FARS2: variants seen among roughly 807,000 people sequenced by gnomAD.
FARS2 encodes phenylalanyl-tRNA synthetase 2, mitochondrial.
Under a neutral mutation model 46.4 loss-of-function variants are expected in FARS2, and 40 were observed. That is an observed-to-expected ratio of 0.86 (90% CI 0.67 to 1.12). The LOEUF (loss-of-function observed/expected upper bound fraction) is 1.12, where lower values mean the gene tolerates loss of function less well. Among genes scored for constraint, FARS2 ranks in the 50% most tolerant of loss-of-function variants. The pLI, the probability that FARS2 is intolerant of heterozygous loss-of-function variation, is 0.00. For missense variants in FARS2, 513 were observed against 567.9 expected, an observed-to-expected ratio of 0.90 and a Z score of 0.98; for synonymous variants, 234 against 214.9, an observed-to-expected ratio of 1.09 and a Z score of -0.78.
At chr6:5,479,914 C>T (rs745439141) in intron 4 of FARS2, among the ~76,000 whole-genome samples, 3 of 152,090 alleles carry the variant, frequency 2.0e-5, no homozygotes, top group Non-Finnish European at 4.4e-5. Context: ...CTCTGCTCCT[C>T]AGGAGAAGGA....
chr6:5,690,719 T>C (rs1757639082), intron 6 of FARS2, among the ~76,000 whole-genome samples: 1 of 152,210 alleles, frequency 6.6e-6, no homozygotes, highest in Non-Finnish European at 1.5e-5. Context: ...ACATTCTCTG[T>C]ATTTCCTGAA....
chr6:5,323,756 G>C (rs1042080655), intron 1 of FARS2, among the ~76,000 whole-genome samples: 3 of 152,142 alleles, frequency 2.0e-5, no homozygotes, highest in Non-Finnish European at 1.5e-5. Context: ...TGACAGAGCA[G>C]GAGTATTACC....
chr6:5,547,396 G>C (rs896772918), intron 5 of FARS2, among the ~76,000 whole-genome samples: 1 of 141,956 alleles, frequency 7.0e-6, no homozygotes, highest in African/African-American at 2.7e-5. Context: ...TTTTTTAATT[G>C]TGTTTGAATG....
intron 1 of FARS2, among the ~76,000 whole-genome samples, chr6:5,353,084 GCTATCCA>G (rs1301931675): frequency 1.3e-5 from 2 of 152,098 alleles, no homozygotes; most frequent in Non-Finnish European, 2.9e-5. Flanking sequence ...TACAGCCTAT[GCTATCCA>G]CTATTCTACT....
intron 6 of FARS2, among the ~76,000 whole-genome samples, chr6:5,710,925 C>A (rs759810248): frequency 6.6e-5 from 10 of 152,208 alleles, no homozygotes; most frequent in African/African-American, 2.2e-4. Flanking sequence ...AAGGGTATTA[C>A]TTCAATGGTG....
chr6:5,277,882 C>T (rs1169703930), intron 1 of FARS2, among the ~76,000 whole-genome samples: 1 of 152,150 alleles, frequency 6.6e-6, no homozygotes, highest in East Asian at 1.9e-4. Flanking sequence ...TAAGGAATAT[C>T]ACTGTACCCA....
intron 1 of FARS2, among the ~76,000 whole-genome samples, chr6:5,293,555 A>G (rs1767646255): frequency 1.3e-5 from 2 of 152,356 alleles, no homozygotes; most frequent in African/African-American, 2.4e-5. Context: ...CTTCACTACA[A>G]GAAATTTGGA....
chr6:5,718,915 A>G (rs1372309861), intron 6 of FARS2, among the ~76,000 whole-genome samples: 2 of 152,206 alleles, frequency 1.3e-5, no homozygotes, highest in African/African-American at 4.8e-5. Context: ...CTTCTGAGCC[A>G]CTGTGTCTTA....
intron 6 of FARS2, among the ~76,000 whole-genome samples, chr6:5,625,963 G>A (rs1444112230): frequency 1.3e-5 from 2 of 152,152 alleles, no homozygotes; most frequent in African/African-American, 4.8e-5. Flanking sequence ...GCTTCAGCTG[G>A]TTTTTTGCTT....
intron 2 of FARS2, among the ~76,000 whole-genome samples, chr6:5,399,067 C>T (rs2127708231): frequency 6.6e-6 from 1 of 151,024 alleles, no homozygotes; most frequent in African/African-American, 2.4e-5. Context: ...AACTTCTGTC[C>T]ATCATTACTG....
At chr6:5,293,063 T>C (rs1767614454) in intron 1 of FARS2, among the ~76,000 whole-genome samples, 1 of 152,044 alleles carries the variant, frequency 6.6e-6, no homozygotes, top group Non-Finnish European at 1.5e-5. Context: ...ATTGAGTAAA[T>C]AGGAGGGTAT....
intron 5 of FARS2, among the ~76,000 whole-genome samples, chr6:5,603,615 T>G (rs944929867): frequency 3.9e-5 from 6 of 152,354 alleles, no homozygotes; most frequent in African/African-American, 1.4e-4. Flanking sequence ...TTGGCATTCC[T>G]GGGCTTGCAG....
At chr6:5,560,776 G>T (rs1771937224) in intron 5 of FARS2, among the ~76,000 whole-genome samples, 1 of 152,022 alleles carries the variant, frequency 6.6e-6, no homozygotes, top group African/African-American at 2.4e-5. Flanking sequence ...GTTTTACTTT[G>T]TATCAGTTTT....
At chr6:5,296,605 A>G (rs1189026340) in intron 1 of FARS2, among the ~76,000 whole-genome samples, 2 of 152,186 alleles carry the variant, frequency 1.3e-5, no homozygotes, top group Admixed American at 6.5e-5. Context: ...AGCCTCTGGC[A>G]ACCACCATTC....
intron 6 of FARS2, among the ~76,000 whole-genome samples, chr6:5,619,306 G>A (rs1203949849): frequency 6.6e-6 from 1 of 152,140 alleles, no homozygotes; most frequent in Non-Finnish European, 1.5e-5. Context: ...TTGCAAGGAG[G>A]GGTTTGGTGG....
chr6:5,473,558 C>A (rs1308823450), intron 4 of FARS2, among the ~76,000 whole-genome samples: 304 of 119,038 alleles, frequency 2.6e-3, no homozygotes, highest in African/African-American at 6.2e-3. Flanking sequence ...AAAAAAAAAA[C>A]AAAAGAATAC....
At chr6:5,427,272 A>C (rs1489521471) in intron 3 of FARS2, among the ~76,000 whole-genome samples, 1 of 152,244 alleles carries the variant, frequency 6.6e-6, no homozygotes, top group Non-Finnish European at 1.5e-5. Flanking sequence ...AATGGTTTGA[A>C]GACTTAAATG....
At chr6:5,358,584 G>A (rs1328496022) in intron 1 of FARS2, among the ~76,000 whole-genome samples, 1 of 152,050 alleles carries the variant, frequency 6.6e-6, no homozygotes. Context: ...GAAAGCATTG[G>A]TACAAATGGA....
intron 4 of FARS2, among the ~76,000 whole-genome samples, chr6:5,539,725 C>T (rs1561697063): frequency 1.3e-5 from 2 of 152,120 alleles, no homozygotes; most frequent in Non-Finnish European, 2.9e-5. Context: ...TGATGTTAAG[C>T]CATTCTGTAT....
Sources: gnomAD v4.1 joint callset for allele counts (sites outside exome capture counted in the v4.1 genomes callset) on GRCh38, gnomAD v4.1.1 for gene constraint, MANE v1.5 for transcripts, NCBI Gene and HGNC (gene_info 2026-07-23, HGNC 2026-07-21) for gene names.